Variants in GFRA2 observed in about 807,000 individuals in gnomAD.
GFRA2 encodes the protein GDNF family receptor alpha 2.
GFRA2 carries 17 observed loss-of-function variants against 48.3 expected under a neutral mutation model. That is an observed-to-expected ratio of 0.35 (90% CI 0.24 to 0.53). The LOEUF (loss-of-function observed/expected upper bound fraction) is 0.53. GFRA2 is among the 20% of genes least tolerant of loss of function. The pLI, the probability that GFRA2 is intolerant of heterozygous loss-of-function variation, is 0.93. For missense variants in GFRA2, 660 were observed against 637.3 expected (o/e 1.04, Z -0.38); for synonymous variants, 305 against 257.2 (o/e 1.19, Z -1.78).
At chr8:21,752,106 CT>C (rs1301320579) in intron 3 of GFRA2, among the ~76,000 whole-genome samples, 1 of 152,000 alleles carries the variant, frequency 6.6e-6, no homozygotes, top group African/African-American at 2.4e-5. Context: ...TCATTTTTTT[CT>C]CTCTCCCCTA....
At chr8:21,723,685 C>A (rs1357548967) in intron 4 of GFRA2, among the ~76,000 whole-genome samples, 1 of 152,134 alleles carries the variant, frequency 6.6e-6, no homozygotes, top group East Asian at 1.9e-4. Context: ...ACTGGGAAGA[C>A]TTTTGGACAC....
exon 1 of GFRA2, chr8:21,812,314 C>T (rs1160394384): frequency 2.0e-5 from 3 of 152,344 alleles, no homozygotes; most frequent in African/African-American, 7.2e-5. Flanking sequence ...AACTCCAGAT[C>T]CATGGTTGCC....
rs114094062 is a variant in GFRA2, at chr8:21,731,069, C to T, written c.794+19519G>A. 7.1e-3 allele frequency among the ~76,000 whole-genome samples: 1,083 copies of T among 152,158 alleles called. 13 individuals are homozygous for T. The highest frequency in any genetic ancestry group is 0.025 in the African/African-American group (1,026 of 41,508). ...GTCCCCTCATTTGAAAGGGGCCCTG[C>T]CACCATGTGATCCCCTCTTTCTGCC... On this transcript the variant is annotated intron_variant, in intron 4 of 8. Transcript: ENST00000524240.
chr8:21,703,194 A>T (rs1802570734), intron 6 of GFRA2, among the ~76,000 whole-genome samples: 1 of 152,226 alleles, frequency 6.6e-6, no homozygotes, highest in Non-Finnish European at 1.5e-5. Context: ...AGAGGTTAAA[A>T]AACACAGAAG....
intron 3 of GFRA2, among the ~76,000 whole-genome samples, chr8:21,771,371 T>C (rs1429390522): frequency 6.6e-6 from 1 of 152,144 alleles, no homozygotes; most frequent in Non-Finnish European, 1.5e-5. Flanking sequence ...TCTTCCCACA[T>C]AGAAGGGGAG....
intron 4 of GFRA2, among the ~76,000 whole-genome samples, chr8:21,731,154 A>C (rs749426848): frequency 1.3e-5 from 2 of 152,042 alleles, no homozygotes; most frequent in Non-Finnish European, 2.9e-5. Flanking sequence ...CAACTCCCCC[A>C]GCGTCACGTG....
intron 2 of GFRA2, among the ~76,000 whole-genome samples, chr8:21,797,028 C>A (rs1490901274): frequency 6.6e-6 from 1 of 152,208 alleles, no homozygotes; most frequent in Admixed American, 6.5e-5. Context: ...TACGTGACAG[C>A]GATCACACAG....
intron 2 of GFRA2, among the ~76,000 whole-genome samples, chr8:21,798,078 C>G (rs1440273697): frequency 7.9e-5 from 12 of 152,202 alleles, no homozygotes; most frequent in African/African-American, 2.7e-4. Flanking sequence ...GCACCTGCTG[C>G]CTCCCCACTA....
chr8:21,725,737 GC>G (rs1803835477), intron 4 of GFRA2, among the ~76,000 whole-genome samples: 1 of 152,220 alleles, frequency 6.6e-6, no homozygotes. Flanking sequence ...TTGTGGCACA[GC>G]TGGGAAGTGT....
chr8:21,718,535 G>A (rs1803442567), intron 4 of GFRA2, among the ~76,000 whole-genome samples: 1 of 152,172 alleles, frequency 6.6e-6, no homozygotes, highest in Non-Finnish European at 1.5e-5. Flanking sequence ...CTCCCTCAAT[G>A]CTCACTGATG....
chr8:21,699,481 G>C (rs1013921377), intron 7 of GFRA2, among the ~76,000 whole-genome samples: 6 of 152,158 alleles, frequency 3.9e-5, no homozygotes, highest in Admixed American at 1.3e-4. Flanking sequence ...TGGGACTCCA[G>C]CTGATCTGAA....
At chr8:21,802,747 A>T (rs1807793433) in intron 2 of GFRA2, among the ~76,000 whole-genome samples, 1 of 152,338 alleles carries the variant, frequency 6.6e-6, no homozygotes. Context: ...TTTGGAAGCT[A>T]TGGTGGTAGA....
At chr8:21,770,532 C>G (rs1806390519) in intron 3 of GFRA2, among the ~76,000 whole-genome samples, 1 of 152,172 alleles carries the variant, frequency 6.6e-6, no homozygotes, top group African/African-American at 2.4e-5. Flanking sequence ...CCCCTTCTGT[C>G]AGGTGAAGGA....
At chr8:21,741,985 A>G in intron 4 of GFRA2, among the ~76,000 whole-genome samples, 2 of 152,116 alleles carry the variant, frequency 1.3e-5, no homozygotes, top group Non-Finnish European at 2.9e-5. Context: ...AAATGAGAAT[A>G]TTTAAAAACA....
chr8:21,712,491 C>T (rs1359863342), intron 4 of GFRA2, among the ~76,000 whole-genome samples: 6 of 151,252 alleles, frequency 4.0e-5, no homozygotes, highest in East Asian at 2.0e-4. Flanking sequence ...GATGGGATGG[C>T]GGGCGGGCAG....
At chr8:21,712,331 G>A (rs1343925619) in intron 4 of GFRA2, among the ~76,000 whole-genome samples, 1 of 151,330 alleles carries the variant, frequency 6.6e-6, no homozygotes, top group Non-Finnish European at 1.5e-5. Context: ...CCCAGACGGG[G>A]TCGCGGCCGG....
intron 4 of GFRA2, among the ~76,000 whole-genome samples, chr8:21,749,680 T>TAC (rs1805181783): frequency 7.4e-6 from 1 of 134,632 alleles, no homozygotes; most frequent in Non-Finnish European, 1.5e-5. Context: ...AAGTCCCTTT[T>TAC]ATATATATAT....
intron 2 of GFRA2, among the ~76,000 whole-genome samples, chr8:21,778,187 A>G (rs1481304998): frequency 6.6e-6 from 1 of 151,586 alleles, no homozygotes; most frequent in African/African-American, 2.4e-5. Context: ...CCAGGCCTGC[A>G]TCAGGTTATT....
chr8:21,750,953 A>G lies in GFRA2; in HGVS notation c.440-11T>C. ...GGTCTGCCCCTGTCCCTGGAGGAGG[A>G]ACAAGAGAGCAGGTCAGAGGCCACA... On this transcript the variant is annotated splice_polypyrimidine_tract_variant and intron_variant, in intron 3 of 8. Transcript: ENST00000524240. This position sits in a 1 kb window ranked among gnomAD's most constrained non-coding sequence, Gnocchi z 5.7. The G allele has an allele frequency of 6.3e-7, 1 of 1,591,280 alleles. No individual in the cohort carries two copies.
Sources: allele counts gnomAD v4.1 joint callset (sites outside exome capture counted in the v4.1 genomes callset), GRCh38; gene constraint gnomAD v4.1.1; non-coding constraint Gnocchi (gnomAD v3.1); transcripts MANE v1.5; gene names NCBI Gene and HGNC (gene_info 2026-07-23, HGNC 2026-07-21).